Variants in IGF2BP2 observed in about 807,000 individuals in gnomAD.
IGF2BP2 encodes the protein insulin-like growth factor 2 mRNA-binding protein 2.
IGF2BP2 carries 17 observed loss-of-function variants against 75.8 expected under a neutral mutation model. The observed-to-expected ratio is 0.22, with a 90% CI of 0.15 to 0.34. The LOEUF (loss-of-function observed/expected upper bound fraction) is 0.34, where lower values mean the gene tolerates loss of function less well. Ranked by LOEUF, IGF2BP2 falls within the 10% of genes least tolerant of loss-of-function variation. IGF2BP2 has a pLI of 1.00. For synonymous variants in IGF2BP2, 288 were observed against 295.6 expected (o/e 0.97, Z 0.26); for missense variants, 516 against 772.4 (o/e 0.67, Z 3.93).
intron 2 of IGF2BP2, among the ~76,000 whole-genome samples, chr3:185,807,791 G>T (rs1365396733): frequency 6.6e-6 from 1 of 152,174 alleles, no homozygotes; most frequent in Non-Finnish European, 1.5e-5. Context: ...ATGCTGTGAA[G>T]AACTAAGGCC....
At chr3:185,779,159 C>T (rs1304322386) in intron 2 of IGF2BP2, among the ~76,000 whole-genome samples, 1 of 150,998 alleles carries the variant, frequency 6.6e-6, no homozygotes, top group Non-Finnish European at 1.5e-5. Context: ...AGTCAAAATA[C>T]ACTACTGATT....
At chr3:185,746,075 G>T (rs902338400) in intron 2 of IGF2BP2, among the ~76,000 whole-genome samples, 2 of 151,982 alleles carry the variant, frequency 1.3e-5, no homozygotes, top group Non-Finnish European at 2.9e-5. Flanking sequence ...CTTATTATAA[G>T]GACCCCAGAG....
chr3:185,706,162 A>G (rs1427171706), intron 2 of IGF2BP2, among the ~76,000 whole-genome samples: 2 of 152,204 alleles, frequency 1.3e-5, no homozygotes, highest in Non-Finnish European at 2.9e-5. Flanking sequence ...TGAGTCCAGG[A>G]GTTTGGCACC....
intron 2 of IGF2BP2, among the ~76,000 whole-genome samples, chr3:185,771,377 T>C (rs937396237): frequency 2.1e-5 from 3 of 139,604 alleles, no homozygotes; most frequent in African/African-American, 8.0e-5. Context: ...GGAGGTGGAG[T>C]TGCAGTGGGC....
chr3:185,695,288 G>A (rs1489869227), intron 4 of IGF2BP2, among the ~76,000 whole-genome samples: 1 of 152,114 alleles, frequency 6.6e-6, no homozygotes, highest in Non-Finnish European at 1.5e-5. Flanking sequence ...TCATATACAA[G>A]AAAATGGGTT....
chr3:185,723,046 T>C (rs984454045), intron 2 of IGF2BP2, among the ~76,000 whole-genome samples: 4 of 152,188 alleles, frequency 2.6e-5, no homozygotes, highest in African/African-American at 9.6e-5. Context: ...TGTTGAAACG[T>C]TTCTCGTTGG....
chr3:185,653,525 G>A (rs554840780), intron 12 of IGF2BP2, among the ~76,000 whole-genome samples: 1 of 152,112 alleles, frequency 6.6e-6, no homozygotes, highest in Admixed American at 6.5e-5. Flanking sequence ...GGAGGCTGAG[G>A]CAGGAGAATC....
chr3:185,710,772 A>C (rs569026747), intron 2 of IGF2BP2, among the ~76,000 whole-genome samples: 87 of 152,158 alleles, frequency 5.7e-4, no homozygotes, highest in Admixed American at 1.3e-3. Flanking sequence ...ACCTCGAGTG[A>C]TTCTGGTTAC....
rs10602691 is a variant in IGF2BP2 at position 185,789,727 on chromosome 3, ATTTTTT to A, written c.239+33420_239+33425del. ...GAGTTTCTGTTACTAACAACCAGGA[ATTTTTT>A]TTTTTTTTTTTTTTTTTTGAGACAG... On this transcript the variant is annotated intron_variant, in intron 2 of 15. Transcript: ENST00000382199. Among the ~76,000 whole-genome samples, 242 of 111,598 alleles carry A rather than the reference ATTTTTT, an allele frequency of 2.2e-3. 1 individual carries two copies. The highest frequency in any genetic ancestry group is 7.9e-3 in the African/African-American group (224 of 28,206). 73.2% of individuals were successfully genotyped at this position (111,598 alleles called of 152,430 possible).
intron 1 of IGF2BP2, 199 bp from the exon 2 acceptor site, chr3:185,823,412 A>G (rs1741620918): frequency 2.1e-6 from 1 of 481,934 alleles, no homozygotes; most frequent in Non-Finnish European, 3.7e-6. Context: ...CAAGGCGAGG[A>G]GGGTGCGAGC....
At chr3:185,813,582 G>T (rs978610483) in intron 2 of IGF2BP2, among the ~76,000 whole-genome samples, 1 of 152,186 alleles carries the variant, frequency 6.6e-6, no homozygotes, top group Non-Finnish European at 1.5e-5. Context: ...AAAAAATAAA[G>T]ATGTTTTCCC....
chr3:185,682,091 T>A (rs1056346940), intron 7 of IGF2BP2, among the ~76,000 whole-genome samples: 8 of 152,200 alleles, frequency 5.3e-5, no homozygotes, highest in African/African-American at 1.9e-4. Flanking sequence ...CTTTTGTGCA[T>A]CAAAGGATAT....
At chr3:185,722,473 A>C (rs1726717480) in intron 2 of IGF2BP2, 1 of 298,108 alleles carries the variant, frequency 3.4e-6, no homozygotes, top group Non-Finnish European at 6.5e-6. Context: ...GTATTGATGG[A>C]TTTAAGTTTT....
intron 12 of IGF2BP2, among the ~76,000 whole-genome samples, chr3:185,655,423 G>A (rs991029997): frequency 2.0e-5 from 3 of 152,192 alleles, no homozygotes; most frequent in Non-Finnish European, 2.9e-5. Flanking sequence ...AAGTCACCAC[G>A]CCCGGCTGAC....
intron 10 of IGF2BP2, among the ~76,000 whole-genome samples, chr3:185,665,457 GAA>G (rs1178801222): frequency 1.3e-4 from 13 of 99,910 alleles, no homozygotes; most frequent in African/African-American, 2.1e-4. Context: ...AGGAGGAGGA[GAA>G]GAAGAAGAAG....
chr3:185,747,829 T>TTCTACTCTAC (rs71632078), intron 2 of IGF2BP2, among the ~76,000 whole-genome samples: 62,496 of 150,474 alleles, frequency 0.42, 13,366 homozygotes, highest in Middle Eastern at 0.57. Context: ...TTTTATTTTA[T>TTCTACTCTAC]TCTACTCTAC....
At chr3:185,790,856 A>G (rs1215056642) in intron 2 of IGF2BP2, among the ~76,000 whole-genome samples, 1 of 152,238 alleles carries the variant, frequency 6.6e-6, no homozygotes, top group African/African-American at 2.4e-5. Context: ...TGAAAGGAAG[A>G]GAAGTAAGAA....
intron 2 of IGF2BP2, among the ~76,000 whole-genome samples, chr3:185,745,043 C>A (rs1174969709): frequency 6.6e-6 from 1 of 152,144 alleles, no homozygotes; most frequent in South Asian, 2.1e-4. Flanking sequence ...GAGGCATGCC[C>A]TTGCTGCTGG....
At chr3:185,722,111 T>G (rs1410589720) in intron 2 of IGF2BP2, 1 of 335,604 alleles carries the variant, frequency 3.0e-6, no homozygotes, top group Non-Finnish European at 5.8e-6. Context: ...TCTTTTTTTT[T>G]TTTGTAGAGA....
Sources: gnomAD v4.1 joint callset for allele counts (sites outside exome capture counted in the v4.1 genomes callset) on GRCh38, gnomAD v4.1.1 for gene constraint, MANE v1.5 for transcripts, NCBI Gene and HGNC (gene_info 2026-07-23, HGNC 2026-07-21) for gene names.